Variants in BOP1 observed in about 807,000 individuals in gnomAD.
The protein encoded by BOP1 is BOP1 ribosomal biogenesis factor.
In BOP1, 54 loss-of-function variants were observed where a neutral mutation model predicts 82.9. That is an observed-to-expected ratio of 0.65 (90% CI 0.52 to 0.82). The LOEUF (loss-of-function observed/expected upper bound fraction) is 0.82. Among genes scored for constraint, BOP1 ranks in the 40% least tolerant of loss-of-function variants. The pLI, the probability that BOP1 is intolerant of heterozygous loss-of-function variation, is 0.00. For missense variants in BOP1, 1,170 were observed against 1,072.0 expected (o/e 1.09, Z -1.28); for synonymous variants, 566 against 451.1 (o/e 1.25, Z -3.23).
At chr8:144,268,150 C>A (rs1845423487) in intron 3 of BOP1, 2 of 1,550,902 alleles carry the variant, frequency 1.3e-6, no homozygotes, top group African/African-American at 2.7e-5. Context: ...TAGGAGGTGG[C>A]CGGCAGCAGC....
At chr8:144,279,712 C>G (rs1374835980) in intron 2 of BOP1, among the ~76,000 whole-genome samples, 1 of 152,220 alleles carries the variant, frequency 6.6e-6, no homozygotes, top group Admixed American at 6.5e-5. Context: ...CTTGTGGCTG[C>G]TTTACCCACC....
In BOP1 at chr8:144,278,127, G is replaced by C. The variant is rs1037832294; in HGVS notation, c.310-1823C>G. 2.6e-5 allele frequency among the ~76,000 whole-genome samples: 4 copies of C among 152,222 alleles called. No homozygotes were observed. The East Asian group carries it at 7.7e-4, about 29-fold the overall frequency. ...GGGCCCGATGGAGCACGAGAGTTGC[G>C]TGAGGGTGAAGTAAAAGCTGAGAGA... is the stretch of plus-strand genomic sequence containing the variant. On this transcript the variant is annotated intron_variant, in intron 2 of 15. Coordinates refer to ENST00000569669, the MANE Select transcript of BOP1 (RefSeq NM_015201.5).
rs1378126114 is a variant in BOP1 at position 144,289,300 on chromosome 8, G to A, written c.104C>T (p.Pro35Leu). ...GCTGAGAGGAGAGGTGCAGAGGAGG[G>A]GGGGCTGCAAGGAAACACTGGGTTG... ...ELEPEPEPEP[P>L]LLCTSPLSHS... The change falls in exon 2 of 16, where the codon CCC becomes CTC. Residue 35 changes from proline to leucine, a missense_variant. Physicochemically the swap from Pro to Leu is moderately conservative, Grantham distance 98 (BLOSUM62 -3). Transcript: ENST00000569669. 2 of 1,613,474 alleles carry A rather than the reference G, an allele frequency of 1.2e-6. No individual in the cohort carries two copies. The highest frequency in any genetic ancestry group is 2.2e-5 in the East Asian group (1 of 44,886).
At chr8:144,272,247 G>A (rs1477993675) in intron 3 of BOP1, among the ~76,000 whole-genome samples, 1 of 151,980 alleles carries the variant, frequency 6.6e-6, no homozygotes, top group African/African-American at 2.4e-5. Flanking sequence ...TTCCAGGTGG[G>A]GTGGGGACAG....
At position 144,263,263 on chromosome 8, in the gene BOP1, C is replaced by T. The variant is rs1367294029; in HGVS notation, c.1563G>A (p.Glu521=). ...GCAGCCGCAGGCCCACTTGGCGCTC[C>T]TCCTCTGAGGCCTCCAGCCAGCGGG... ...QPARWLEASE[E]ERQVGLRLRI... The change falls in exon 12 of 16, where the codon GAG becomes GAA. Residue 521 remains glutamate (E), a synonymous_variant. Transcript: ENST00000569669. 2 of 1,594,936 alleles carry T rather than the reference C, an allele frequency of 1.3e-6. No homozygotes were observed. Among genetic ancestry groups the T allele is most frequent in the East Asian group, 2.2e-5 (1 of 44,854 alleles).
intron 2 of BOP1, among the ~76,000 whole-genome samples, 198 bp downstream of exon 2, chr8:144,288,897 A>G: frequency 6.6e-6 from 1 of 152,220 alleles, no homozygotes; most frequent in Non-Finnish European, 1.5e-5. Context: ...GGATTTTCAG[A>G]GTTCCTGGGA....
intron 3 of BOP1, among the ~76,000 whole-genome samples, chr8:144,274,117 G>T (rs1212143798): frequency 2.0e-5 from 3 of 152,096 alleles, no homozygotes; most frequent in Non-Finnish European, 4.4e-5. Context: ...CAGGAGCTTG[G>T]CCCGAGACCT....
chr8:144,277,499 C>A (rs1845585978), intron 2 of BOP1, among the ~76,000 whole-genome samples: 1 of 152,262 alleles, frequency 6.6e-6, no homozygotes, highest in Non-Finnish European at 1.5e-5. Context: ...GCTCCCGACC[C>A]CTCACAGTGG....
At chr8:144,267,706 C>T (rs1177077226) in intron 3 of BOP1, among the ~76,000 whole-genome samples, 1 of 151,896 alleles carries the variant, frequency 6.6e-6, no homozygotes, top group Non-Finnish European at 1.5e-5. Context: ...CCATGGGACA[C>T]GAAGGCAGAG....
chr8:144,267,277 C>A (rs1446552113), intron 3 of BOP1: 3 of 1,346,010 alleles, frequency 2.2e-6, no homozygotes, highest in African/African-American at 3.1e-5. Context: ...GGCAGGGCTC[C>A]CCAACAGGGC....
chr8:144,273,298 C>T lies in BOP1; in HGVS notation c.390+2926G>A, dbSNP rs1434720928. ...CACGGGCTCTGGACGCAGACAGGCC[C>T]GGCTGCATCCCTGCGGGAACCTGAC... On this transcript the variant is annotated intron_variant, in intron 3 of 15. Coordinates refer to ENST00000569669, the MANE Select transcript of BOP1 (RefSeq NM_015201.5). Among the ~76,000 whole-genome samples the T allele has an allele frequency of 5.3e-5, 8 of 152,328 alleles. No homozygotes were observed. In the East Asian group the frequency reaches 1.4e-3, roughly 26 times the overall value.
At chr8:144,270,135 C>T (rs1178263990) in intron 3 of BOP1, among the ~76,000 whole-genome samples, 1 of 152,130 alleles carries the variant, frequency 6.6e-6, no homozygotes, top group East Asian at 1.9e-4. Context: ...AGGGCAGGGA[C>T]ATCAGGGGCT....
At position 144,263,719 on chromosome 8, in the gene BOP1, A is replaced by G; in HGVS notation, c.1264T>C (p.Ser422Pro). The change falls in exon 10 of 16, where the codon TCT (serine) becomes CCT (proline). Residue 422 changes from serine (S) to proline (P), a missense_variant. By Grantham distance (74) the Ser-to-Pro change is moderately conservative. Transcript: ENST00000569669. ...HSDLVRCLSV[S>P]PGGQWLVSGS... ...GAAACCAGCCACTGGCCCCCAGGAG[A>G]GACACTGAGGCACCGGACAAGGTCA... The G allele has an allele frequency of 6.4e-7, 1 of 1,574,504 alleles. No homozygotes were observed. Among genetic ancestry groups the G allele is most frequent in the Non-Finnish European group, 8.6e-7 (1 of 1,161,382 alleles).
At chr8:144,279,360 CCCAAGACCACCACGGG>C (rs1280736437) in intron 2 of BOP1, among the ~76,000 whole-genome samples, 1 of 130,418 alleles carries the variant, frequency 7.7e-6, no homozygotes, top group Non-Finnish European at 1.6e-5. Flanking sequence ...CACCACAGGC[CCCAAGACCACCACGGG>C]CCAAGACCAC....
intron 3 of BOP1, among the ~76,000 whole-genome samples, chr8:144,269,062 C>T (rs1366245727): frequency 1.3e-5 from 2 of 152,198 alleles, no homozygotes; most frequent in African/African-American, 2.4e-5. Flanking sequence ...GCACTGCCCA[C>T]GTGGGAAGGA....
chr8:144,264,849 G>A lies in BOP1; in HGVS notation c.546-18C>T. 1 of 1,608,468 alleles carries A rather than the reference G, an allele frequency of 6.2e-7. No individual in the cohort carries two copies. The highest frequency in any genetic ancestry group is 8.5e-7 in the Non-Finnish European group (1 of 1,178,908). On this transcript the variant is annotated intron_variant, in intron 4 of 15. Transcript: ENST00000569669. ...CGGTGCGCCTGGAGACCGCCAGTCAGACCCCGCCAGCCCTGCCCCACCCCT... is the reference window on the plus strand; with the variant it reads ...CGGTGCGCCTGGAGACCGCCAGTCAAACCCCGCCAGCCCTGCCCCACCCCT...
Position 144,291,392 on chromosome 8 carries a change from C to T in BOP1, c.-22G>A. Reference sequence around the variant, plus strand: ...CCATGCCCCACCGCGCGCCGGCCGCCACCCGCACAGCCGCTTCCGACAGCG... The same window carrying T: ...CCATGCCCCACCGCGCGCCGGCCGCTACCCGCACAGCCGCTTCCGACAGCG... On this transcript the variant is annotated 5_prime_UTR_variant, in exon 1 of 16. Transcript: ENST00000569669. The surrounding 1 kb of genome is among the most constrained non-coding windows in gnomAD (Gnocchi z 4.1). The T allele has an allele frequency of 8.5e-7, 1 of 1,172,510 alleles. No individual in the cohort carries two copies. Among genetic ancestry groups the T allele is most frequent in the African/African-American group, 1.6e-5 (1 of 61,542 alleles). 72.6% of individuals were successfully genotyped at this position (1,172,510 alleles called of 1,614,324 possible).
At chr8:144,268,060 GCTGGGCTCTGCCGGGGCCTGACACTCCTC>G in intron 3 of BOP1, 1 of 1,549,356 alleles carries the variant, frequency 6.5e-7, no homozygotes, top group Non-Finnish European at 8.7e-7. Context: ...GCAGACTGGC[GCTGGGCTCTGCCGGGGCCTGACACTCCTC>G]CCTCCCCTCT....
At chr8:144,267,195 TG>T in intron 3 of BOP1, 1 of 1,502,726 alleles carries the variant, frequency 6.7e-7, no homozygotes, top group Non-Finnish European at 8.8e-7. Flanking sequence ...GCACGGGCCG[TG>T]GGGCGCCGAG....
Sources: gnomAD v4.1 joint callset for allele counts (sites outside exome capture counted in the v4.1 genomes callset) on GRCh38, gnomAD v4.1.1 for gene constraint, Gnocchi (gnomAD v3.1) non-coding constraint, MANE v1.5 for transcripts, NCBI Gene and HGNC (gene_info 2026-07-23, HGNC 2026-07-21) for gene names.